The following OR2H2 variants were observed in gnomAD, a reference collection of about 807,000 sequenced individuals.
The protein encoded by OR2H2 is olfactory receptor 2H2.
For synonymous variants in OR2H2, 146 were observed against 132.4 expected, an observed-to-expected ratio of 1.10 and a Z score of -0.71; for missense variants, 295 against 313.7, an observed-to-expected ratio of 0.94 and a Z score of 0.45.
In OR2H2 at chr6:29,587,663, C is replaced by T. The variant is rs1223703896; in HGVS notation, c.-275-7C>T. On this transcript the variant is annotated splice_polypyrimidine_tract_variant and splice_region_variant and intron_variant, in intron 1 of 1. Coordinates refer to ENST00000641840, the MANE Select transcript of OR2H2 (RefSeq NM_007160.4). ...TATTTTAATCAGCCTCCTTTGCCCTCACCCAGGAAGTCAGAGGCACCAGTG... is the reference window on the plus strand; with the variant it reads ...TATTTTAATCAGCCTCCTTTGCCCTTACCCAGGAAGTCAGAGGCACCAGTG... The T allele has an allele frequency of 4.8e-6, 2 of 416,724 alleles. No homozygotes were observed. The highest frequency in any genetic ancestry group is 2.0e-5 in the African/African-American group (1 of 50,204). The allele number at this position is 416,724 out of a possible 1,614,324, so 25.8% of individuals were successfully genotyped here. A position where few individuals can be genotyped will look rare whatever the true frequency, so the allele number is the denominator to read the frequency against.
Position 29,589,090 on chromosome 6 carries a change from G to A in OR2H2, c.*207G>A. 1 of 557,314 alleles carries A rather than the reference G, an allele frequency of 1.8e-6. No homozygotes were observed. Among genetic ancestry groups the A allele is most frequent in the East Asian group, 2.9e-5 (1 of 34,670 alleles). The allele number at this position is 557,314 out of a possible 1,614,324, so 34.5% of individuals were successfully genotyped here. On this transcript the variant is annotated 3_prime_UTR_variant, in exon 2 of 2. Coordinates refer to ENST00000641840, the MANE Select transcript of OR2H2 (RefSeq NM_007160.4). Reference sequence around the variant, plus strand: ...AGGTATCTTTATGCGAAAAATTATAGGCATCAAGTATATTTTATATTTTTT... The same window carrying A: ...AGGTATCTTTATGCGAAAAATTATAAGCATCAAGTATATTTTATATTTTTT...
chr6:29,588,294 C>T lies in OR2H2; in HGVS notation c.350C>T (p.Ala117Val). 1.2e-6 allele frequency: 2 copies of T among 1,611,128 alleles called. No individual in the cohort carries two copies. The highest frequency in any genetic ancestry group is 1.1e-5 in the South Asian group (1 of 91,054). The change falls in exon 2 of 2, where the codon GCT (alanine) becomes GTT (valine). Residue 117 changes from alanine (A) to valine (V), a missense_variant. Ala to Val is a moderately conservative substitution (Grantham distance 64, BLOSUM62 0). Coordinates refer to ENST00000641840, the MANE Select transcript of OR2H2 (RefSeq NM_007160.4). ...GAGTGCATCCTCTTGACAGTGATGG[C>T]TTTTGATCGCTACGTGGCTGTCTGC... Reference protein sequence around the residue: ...TTECILLTVMAFDRYVAVCQP... With the variant: ...TTECILLTVMVFDRYVAVCQP...
In OR2H2 at chr6:29,588,445, C is replaced by A; in HGVS notation, c.501C>A (p.Cys167Ter). Residue 167 changes from cysteine (C) to a stop codon, truncating the protein, a stop_gained, in exon 2 of 2, where the codon TGC becomes TGA. Coordinates refer to ENST00000641840, the MANE Select transcript of OR2H2 (RefSeq NM_007160.4). LOFTEE classifies it low-confidence loss of function (END_TRUNC). ...QTPSTLHLPF[C>*]PDRQVDDFVC... ...CATCCACCCTGCACCTGCCCTTCTG[C>A]CCCGATCGGCAGGTGGATGATTTTG... 1 of 1,388,190 alleles carries A rather than the reference C, an allele frequency of 7.2e-7. No homozygotes were observed. Among genetic ancestry groups the A allele is most frequent in the Non-Finnish European group, 1.0e-6 (1 of 974,494 alleles). 86.0% of individuals were successfully genotyped at this position (1,388,190 alleles called of 1,614,324 possible). A position where few individuals can be genotyped will look rare whatever the true frequency, so the allele number is the denominator to read the frequency against.
At position 29,589,107 on chromosome 6, in the gene OR2H2, AT is replaced by A. The variant is rs1760505988; in HGVS notation, c.*225del. The A allele has an allele frequency of 1.9e-5, 10 of 540,202 alleles. No homozygotes were observed. In the East Asian group the frequency reaches 3.0e-4, roughly 16 times the overall value. The allele number at this position is 540,202 out of a possible 1,614,324, so 33.5% of individuals were successfully genotyped here. On this transcript the variant is annotated 3_prime_UTR_variant, in exon 2 of 2. Transcript: ENST00000641840. The stretch of plus-strand genomic sequence containing the variant: ...AAATTATAGGCATCAAGTATATTTT[AT>A]ATTTTTTTCTACTTTAAGTCTTCGC...
chr6:29,587,975 CT>C lies in OR2H2; in HGVS notation c.32del (p.Leu11ProfsTer25), dbSNP rs1310222151. MVNQSSTPGF[L>X]LLGFSEHPGL... is the part of the protein sequence containing the mutation. ...TAACCAAAGCTCCACACCGGGCTTC[CT>C]CCTTCTGGGCTTCTCTGAACACCCA... is the stretch of plus-strand genomic sequence containing the variant. On this transcript the variant is annotated frameshift_variant, in exon 2 of 2. Coordinates refer to ENST00000641840, the MANE Select transcript of OR2H2 (RefSeq NM_007160.4). LOFTEE classifies it low-confidence loss of function (END_TRUNC). The C allele has an allele frequency of 1.0e-6, 1 of 970,822 alleles. No individual in the cohort carries two copies. The highest frequency in any genetic ancestry group is 1.7e-5 in the Admixed American group (1 of 59,230). The allele number at this position is 970,822 out of a possible 1,614,324, so 60.1% of individuals were successfully genotyped here.
At position 29,589,091 on chromosome 6, in the gene OR2H2, G is replaced by A; in HGVS notation, c.*208G>A. On this transcript the variant is annotated 3_prime_UTR_variant, in exon 2 of 2. Transcript: ENST00000641840. Reference sequence around the variant, plus strand: ...GGTATCTTTATGCGAAAAATTATAGGCATCAAGTATATTTTATATTTTTTT... The same window carrying A: ...GGTATCTTTATGCGAAAAATTATAGACATCAAGTATATTTTATATTTTTTT... 1.8e-6 allele frequency: 1 copy of A among 555,060 alleles called. No homozygotes were observed. The highest frequency in any genetic ancestry group is 3.3e-6 in the Non-Finnish European group (1 of 307,472). 34.4% of individuals were successfully genotyped at this position (555,060 alleles called of 1,614,324 possible). A position where few individuals can be genotyped will look rare whatever the true frequency, so the allele number is the denominator to read the frequency against.
intron 1 of OR2H2, chr6:29,587,412 T>C (rs1010692930): frequency 6.5e-6 from 1 of 152,910 alleles, no homozygotes; most frequent in African/African-American, 2.4e-5. Flanking sequence ...CTGATAAGCT[T>C]ACTTGCAAAT....
Position 29,589,929 on chromosome 6 carries a change from A to G in OR2H2, c.*1046A>G, listed in dbSNP as rs573270059. The stretch of plus-strand genomic sequence containing the variant: ...TAAACATACTCAGAACACTTACATT[A>G]GCCTACAGTTCAGCAAAATCCTCAA... On this transcript the variant is annotated 3_prime_UTR_variant, in exon 2 of 2. Transcript: ENST00000641840. 2.6e-4 allele frequency: 39 copies of G among 152,354 alleles called. No homozygotes were observed. The highest frequency in any genetic ancestry group is 9.4e-4 in the African/African-American group (39 of 41,572). The allele number at this position is 152,354 out of a possible 1,614,324, so 9.4% of individuals were successfully genotyped here. A position where few individuals can be genotyped will look rare whatever the true frequency, so the allele number is the denominator to read the frequency against.
Position 29,588,609 on chromosome 6 carries a change from C to A in OR2H2, c.665C>A (p.Ala222Glu). 1 of 1,178,100 alleles carries A rather than the reference C, an allele frequency of 8.5e-7. No homozygotes were observed. Among genetic ancestry groups the A allele is most frequent in the Non-Finnish European group, 1.3e-6 (1 of 783,018 alleles). 73.0% of individuals were successfully genotyped at this position (1,178,100 alleles called of 1,614,324 possible). The change falls in exon 2 of 2, where the codon GCA becomes GAA. Residue 222 changes from alanine to glutamate, a missense_variant. By Grantham distance (107) the Ala-to-Glu change is moderately radical. Coordinates refer to ENST00000641840, the MANE Select transcript of OR2H2 (RefSeq NM_007160.4). ...GTCTCTTACGGAGCCATTACCTGGG[C>A]AGTGCTGAGGATTAACTCTGCAAAA... ...ILVSYGAITW[A>E]VLRINSAKGR...
At position 29,590,006 on chromosome 6, in the gene OR2H2, ATACTG is replaced by A. The variant is rs1329384891; in HGVS notation, c.*1128_*1132del. On this transcript the variant is annotated 3_prime_UTR_variant, in exon 2 of 2. Transcript: ENST00000641840. ...TTGAATATCTCATGTAATTTACTGAATACTGTACTAAAAGTGAAAAAACAGAATGG... is the reference window on the plus strand; with the variant it reads ...TTGAATATCTCATGTAATTTACTGAATACTAAAAGTGAAAAAACAGAATGG... 6.6e-6 allele frequency: 1 copy of A among 152,246 alleles called. No individual in the cohort carries two copies. The highest frequency in any genetic ancestry group is 1.5e-5 in the Non-Finnish European group (1 of 68,044). 9.4% of individuals were successfully genotyped at this position (152,246 alleles called of 1,614,324 possible). A position where few individuals can be genotyped will look rare whatever the true frequency, so the allele number is the denominator to read the frequency against.
At chr6:29,586,215 G>A (rs893840361) in intron 1 of OR2H2, among the ~76,000 whole-genome samples, 5 of 152,158 alleles carry the variant, frequency 3.3e-5, no homozygotes, top group African/African-American at 1.2e-4. Context: ...TAGAGGCCAG[G>A]CACAGTGACT....
rs751793403 is a variant in OR2H2, at chr6:29,588,220, CCTGGACTGCT to C, written c.280_289del (p.Asp94SerfsTer17). 20 of 1,533,154 alleles carry C rather than the reference CCTGGACTGCT, an allele frequency of 1.3e-5. 1 individual carries two copies. In the Admixed American group the frequency reaches 3.3e-4, roughly 26 times the overall value. The allele number at this position is 1,533,154 out of a possible 1,614,324, so 95.0% of individuals were successfully genotyped here. A position where few individuals can be genotyped will look rare whatever the true frequency, so the allele number is the denominator to read the frequency against. On this transcript the variant is annotated frameshift_variant, in exon 2 of 2. Coordinates refer to ENST00000641840, the MANE Select transcript of OR2H2 (RefSeq NM_007160.4). LOFTEE classifies it low-confidence loss of function (END_TRUNC). Reference sequence around the variant, plus strand: ...GGGGCCCAAAGAAGACCATCAGCTTCCTGGACTGCTCTGTCCAGATCTTCATCTTCCTGTC... The same window carrying C: ...GGGGCCCAAAGAAGACCATCAGCTTCCTGTCCAGATCTTCATCTTCCTGTC...
At position 29,587,793 on chromosome 6, in the gene OR2H2, G is replaced by T. The variant is rs371834458; in HGVS notation, c.-152G>T. On this transcript the variant is annotated 5_prime_UTR_variant, in exon 2 of 2. The change abolishes an upstream ATG in the 5' untranslated region. Transcript: ENST00000641840. ...TGAGAAGGAGCTGCTGGATGGTGATGAGCCTTGGAAAGGGAGGCTGGGCGA... is the reference window on the plus strand; with the variant it reads ...TGAGAAGGAGCTGCTGGATGGTGATTAGCCTTGGAAAGGGAGGCTGGGCGA... 1.6e-6 allele frequency: 1 copy of T among 619,150 alleles called. No homozygotes were observed. The allele number at this position is 619,150 out of a possible 1,614,324, so 38.4% of individuals were successfully genotyped here.
Position 29,588,947 on chromosome 6 carries a change from A to C in OR2H2, c.*64A>C. ...CTATGTGCTTTTATCAGAAAGTTTG[A>C]GTTCCCTGCCCCTCTGCCTTCTTCA... On this transcript the variant is annotated 3_prime_UTR_variant, in exon 2 of 2. Transcript: ENST00000641840. 1.4e-6 allele frequency: 1 copy of C among 715,638 alleles called. No homozygotes were observed. Among genetic ancestry groups the C allele is most frequent in the Non-Finnish European group, 2.6e-6 (1 of 386,612 alleles). 44.3% of individuals were successfully genotyped at this position (715,638 alleles called of 1,614,324 possible).
In OR2H2 at chr6:29,588,565, G is replaced by T. The variant is rs767819458; in HGVS notation, c.621G>T (p.Val207=). 2.0e-6 allele frequency: 2 copies of T among 981,510 alleles called. No homozygotes were observed. The highest frequency in any genetic ancestry group is 2.6e-5 in the South Asian group (2 of 78,382). 60.8% of individuals were successfully genotyped at this position (981,510 alleles called of 1,614,324 possible). Residue 207 remains valine (V), a synonymous_variant, in exon 2 of 2, where the codon GTG becomes GTT. Transcript: ENST00000641840. ...VAVASVFILV[V]PLSLILVSYG... Reference sequence around the variant, plus strand: ...TTGCCAGTGTCTTCATCTTGGTTGTGCCTCTCAGCCTCATCCTTGTCTCTT... The same window carrying T: ...TTGCCAGTGTCTTCATCTTGGTTGTTCCTCTCAGCCTCATCCTTGTCTCTT...
chr6:29,588,017 C>G lies in OR2H2; in HGVS notation c.73C>G (p.Leu25Val). Residue 25 changes from leucine to valine, a missense_variant, in exon 2 of 2, where the codon CTC (leucine) becomes GTC (valine). Transcript: ENST00000641840. ...TGAACACCCAGGGCTGGAAAGGACT[C>G]TCTTCGTGGTTGTCCTCACTTCCTA... ...FSEHPGLERT[L>V]FVVVLTSYLL... 1 of 1,000,362 alleles carries G rather than the reference C, an allele frequency of 1.0e-6. No homozygotes were observed. Among genetic ancestry groups the G allele is most frequent in the South Asian group, 1.3e-5 (1 of 79,308 alleles). 62.0% of individuals were successfully genotyped at this position (1,000,362 alleles called of 1,614,324 possible). A position where few individuals can be genotyped will look rare whatever the true frequency, so the allele number is the denominator to read the frequency against.
Position 29,587,983 on chromosome 6 carries a change from G to A in OR2H2, c.39G>A (p.Leu13=). ...NQSSTPGFLL[L]GFSEHPGLER... ...GCTCCACACCGGGCTTCCTCCTTCT[G>A]GGCTTCTCTGAACACCCAGGGCTGG... is the stretch of plus-strand genomic sequence containing the variant. Residue 13 remains leucine (L), a synonymous_variant, in exon 2 of 2, where the codon CTG becomes CTA. Transcript: ENST00000641840. The A allele has an allele frequency of 2.0e-6, 2 of 995,070 alleles. No homozygotes were observed. Among genetic ancestry groups the A allele is most frequent in the South Asian group, 2.5e-5 (2 of 79,072 alleles). The allele number at this position is 995,070 out of a possible 1,614,324, so 61.6% of individuals were successfully genotyped here. A position where few individuals can be genotyped will look rare whatever the true frequency, so the allele number is the denominator to read the frequency against.
In OR2H2 at chr6:29,588,429, T is replaced by G. The variant is rs910224556; in HGVS notation, c.485T>G (p.Leu162Arg). 1.3e-5 allele frequency: 19 copies of G among 1,488,088 alleles called. No individual in the cohort carries two copies. Among genetic ancestry groups the G allele is most frequent in the Non-Finnish European group, 1.7e-5 (18 of 1,065,854 alleles). 92.2% of individuals were successfully genotyped at this position (1,488,088 alleles called of 1,614,324 possible). A position where few individuals can be genotyped will look rare whatever the true frequency, so the allele number is the denominator to read the frequency against. Residue 162 changes from leucine (L) to arginine (R), a missense_variant, in exon 2 of 2, where the codon CTG (leucine) becomes CGG (arginine). Transcript: ENST00000641840. ...VESVVQTPST[L>R]HLPFCPDRQV... ...TCAGTGGTCCAGACACCATCCACCC[T>G]GCACCTGCCCTTCTGCCCCGATCGG...
rs1225264653 is a variant in OR2H2, at chr6:29,587,701, T to A, written c.-244T>A. 2.1e-6 allele frequency: 1 copy of A among 475,668 alleles called. No individual in the cohort carries two copies. The highest frequency in any genetic ancestry group is 3.7e-5 in the Admixed American group (1 of 27,254). 29.5% of individuals were successfully genotyped at this position (475,668 alleles called of 1,614,324 possible). ...AGAGGCACCAGTGTGAGTATCCATC[T>A]GCTGTCCAGTACATTCATGGATTCC... On this transcript the variant is annotated 5_prime_UTR_variant, in exon 2 of 2. Coordinates refer to ENST00000641840, the MANE Select transcript of OR2H2 (RefSeq NM_007160.4).
Sources: allele counts gnomAD v4.1 joint callset (sites outside exome capture counted in the v4.1 genomes callset), GRCh38; gene constraint gnomAD v4.1.1; transcripts MANE v1.5; gene names NCBI Gene and HGNC (gene_info 2026-07-23, HGNC 2026-07-21).